Variants in RRM2 observed in about 807,000 individuals in gnomAD.
RRM2 encodes the protein ribonucleoside-diphosphate reductase subunit M2.
Under a neutral mutation model 45.9 loss-of-function variants are expected in RRM2, and 6 were observed. The ratio of observed to expected loss-of-function variants is 0.13; its 90% CI spans 0.07 to 0.26. The LOEUF (loss-of-function observed/expected upper bound fraction) is 0.26, where lower values mean the gene tolerates loss of function less well. RRM2 is among the 10% of genes least tolerant of loss of function. The pLI is 1.00. For synonymous variants in RRM2, 177 were observed against 173.0 expected, an observed-to-expected ratio of 1.02 and a Z score of -0.18; for missense variants, 343 against 489.5, an observed-to-expected ratio of 0.70 and a Z score of 2.82.
downstream of RRM2, among the ~76,000 whole-genome samples, chr2:10,134,381 T>C (rs1662956247): frequency 6.6e-6 from 1 of 151,414 alleles, no homozygotes; most frequent in Non-Finnish European, 1.5e-5. Context: ...AGGGGAGGAG[T>C]TGGGACCAAA....
Position 10,126,204 on chromosome 2 carries a change from T to G in RRM2, c.570-671T>G, listed in dbSNP as rs1169725419. Among the ~76,000 whole-genome samples the G allele has an allele frequency of 2.5e-3, 258 of 103,332 alleles. 23 individuals carry two copies. The highest frequency in any genetic ancestry group is 3.5e-3 in the African/African-American group (89 of 25,586). 67.8% of individuals were successfully genotyped at this position (103,332 alleles called of 152,430 possible). A position where few individuals can be genotyped will look rare whatever the true frequency, so the allele number is the denominator to read the frequency against. Reference sequence around the variant, plus strand: ...AAAAAAAAAAAAAAGCTGCCCAATGTCTGGTGCCCTTGGCTTCAGAACACA... The same window carrying G: ...AAAAAAAAAAAAAAGCTGCCCAATGGCTGGTGCCCTTGGCTTCAGAACACA... On this transcript the variant is annotated intron_variant, in intron 5 of 9. Coordinates refer to ENST00000304567, the MANE Select transcript of RRM2 (RefSeq NM_001034.4).
At chr2:10,151,295 ATTT>A (rs1197139714) in intron 3 of RRM2, among the ~76,000 whole-genome samples, 12 of 111,996 alleles carry the variant, frequency 1.1e-4, no homozygotes, top group Admixed American at 2.0e-4. Flanking sequence ...CTGCATGTAG[ATTT>A]TTTTTTTTTT....
rs1414363049 is a variant in RRM2 at position 10,195,888 on chromosome 2, TCA to T, written n.483-14419_483-14418del. Among the ~76,000 whole-genome samples the T allele has an allele frequency of 6.6e-6, 1 of 152,122 alleles. No homozygotes were observed. The highest frequency in any genetic ancestry group is 2.4e-5 in the African/African-American group (1 of 41,432). On this transcript the variant is annotated intron_variant and non_coding_transcript_variant, in intron 3 of 3. Coordinates refer to the RRM2 transcript ENST00000381786. The surrounding 1 kb of genome is among the most constrained non-coding windows in gnomAD (Gnocchi z 4.9). ...TTTCCTGCTTGGACAAGACAGAGACTCACACGAGGAAATTCCTTTTGTTCCTA... is the reference window on the plus strand; with the variant it reads ...TTTCCTGCTTGGACAAGACAGAGACTCACGAGGAAATTCCTTTTGTTCCTA...
intron 3 of RRM2, among the ~76,000 whole-genome samples, chr2:10,157,279 C>T (rs1263499106): frequency 1.3e-5 from 2 of 152,172 alleles, no homozygotes; most frequent in South Asian, 2.1e-4. Context: ...ATCTGCCTGC[C>T]TCTGCTTCTC....
chr2:10,195,018 C>A lies in RRM2; in HGVS notation n.483-15293C>A, dbSNP rs1040100192. Among the ~76,000 whole-genome samples the A allele has an allele frequency of 1.3e-5, 2 of 152,304 alleles. No homozygotes were observed. The highest frequency in any genetic ancestry group is 2.4e-5 in the African/African-American group (1 of 41,554). On this transcript the variant is annotated intron_variant and non_coding_transcript_variant, in intron 3 of 3. Coordinates refer to the RRM2 transcript ENST00000381786. This position sits in a 1 kb window ranked among gnomAD's most constrained non-coding sequence, Gnocchi z 4.9. Reference sequence around the variant, plus strand: ...GTTTACAGCCAAGGCCTGTGAGGCACGTGACCACCAAAACCCTCACGAGGC... The same window carrying A: ...GTTTACAGCCAAGGCCTGTGAGGCAAGTGACCACCAAAACCCTCACGAGGC...
rs575729163 is a variant in RRM2, at chr2:10,127,895, G to C, written c.798+675G>C. On this transcript the variant is annotated intron_variant, in intron 7 of 9. Coordinates refer to ENST00000304567, the MANE Select transcript of RRM2 (RefSeq NM_001034.4). The surrounding 1 kb of genome is among the most constrained non-coding windows in gnomAD (Gnocchi z 4.1). Reference sequence around the variant, plus strand: ...AAATGTTCATAGTAGAGCCAGGAGCGGTGGCTCATGCCTGTAATCCCAGCA... The same window carrying C: ...AAATGTTCATAGTAGAGCCAGGAGCCGTGGCTCATGCCTGTAATCCCAGCA... Among the ~76,000 whole-genome samples the C allele has an allele frequency of 2.6e-5, 4 of 151,806 alleles. No homozygotes were observed. The highest frequency in any genetic ancestry group is 5.9e-5 in the Non-Finnish European group (4 of 67,950).
intron 3 of RRM2, among the ~76,000 whole-genome samples, chr2:10,200,677 C>CCGCGCACACAAAA (rs1664546214): frequency 7.6e-6 from 1 of 132,438 alleles, no homozygotes; most frequent in African/African-American, 2.8e-5. Flanking sequence ...CCCACAGGGA[C>CCGCGCACACAAAA]TGCGCGCACA....
In RRM2 at chr2:10,204,569, A is replaced by C. The variant is rs1483141892; in HGVS notation, n.483-5742A>C. Among the ~76,000 whole-genome samples, 1 of 152,196 alleles carries C rather than the reference A, an allele frequency of 6.6e-6. No homozygotes were observed. Among genetic ancestry groups the C allele is most frequent in the East Asian group, 1.9e-4 (1 of 5,190 alleles). On this transcript the variant is annotated intron_variant and non_coding_transcript_variant, in intron 3 of 3. Coordinates refer to the RRM2 transcript ENST00000381786. The surrounding 1 kb of genome is among the most constrained non-coding windows in gnomAD (Gnocchi z 4.0). ...CAGCGCTGTGCCCAGCCCTGGGTGC[A>C]GGGAGGTGCGGTTTGCTCTCAGAGG...
At chr2:10,162,284 TTC>T (rs1180017660) in intron 3 of RRM2, among the ~76,000 whole-genome samples, 1 of 152,148 alleles carries the variant, frequency 6.6e-6, no homozygotes. Flanking sequence ...TTCATGTCGA[TTC>T]TCTCAGTCAA....
At chr2:10,164,543 G>A (rs1663641375) in intron 3 of RRM2, among the ~76,000 whole-genome samples, 1 of 152,174 alleles carries the variant, frequency 6.6e-6, no homozygotes, top group South Asian at 2.1e-4. Flanking sequence ...CAGTGCTCAC[G>A]GGCGAAGTGA....
chr2:10,151,095 G>A (rs1333598932), intron 3 of RRM2, among the ~76,000 whole-genome samples: 1 of 152,172 alleles, frequency 6.6e-6, no homozygotes, highest in East Asian at 1.9e-4. Flanking sequence ...TTACAGGCAT[G>A]CGCCACCACG....
At chr2:10,133,345 C>A (rs901357515), downstream of RRM2, among the ~76,000 whole-genome samples, 3 of 152,238 alleles carry the variant, frequency 2.0e-5, no homozygotes, top group African/African-American at 7.2e-5. Flanking sequence ...AGCAGACCTA[C>A]CAAAACCTCC....
At chr2:10,186,411 T>G (rs1438885432) in intron 3 of RRM2, among the ~76,000 whole-genome samples, 1 of 151,958 alleles carries the variant, frequency 6.6e-6, no homozygotes, top group Non-Finnish European at 1.5e-5. Flanking sequence ...CACCTCGGCC[T>G]CCCAAAGTGC....
chr2:10,192,412 TA>T lies in RRM2; in HGVS notation n.483-17898del, dbSNP rs1263710142. Among the ~76,000 whole-genome samples, 4 of 152,316 alleles carry T rather than the reference TA, an allele frequency of 2.6e-5. No individual in the cohort carries two copies. The East Asian group carries it at 5.8e-4, about 22-fold the overall frequency. The stretch of plus-strand genomic sequence containing the variant: ...CCGTGGTGACTCTAGAACCTCTCCC[TA>T]CAGCAGCTCGGGGAGCTCCAGCTCT... On this transcript the variant is annotated intron_variant and non_coding_transcript_variant, in intron 3 of 3. Coordinates refer to the RRM2 transcript ENST00000381786.
Position 10,204,372 on chromosome 2 carries a change from G to GGAGA in RRM2, n.483-5938_483-5935dup, listed in dbSNP as rs1459844588. Reference sequence around the variant, plus strand: ...TCAGCTAGGTGAAGAGAGCAGGGAAGGAGACTCCAGGGAGAGGAATGTGTG... The same window carrying GGAGA: ...TCAGCTAGGTGAAGAGAGCAGGGAAGGAGAGAGACTCCAGGGAGAGGAATGTGTG... On this transcript the variant is annotated intron_variant and non_coding_transcript_variant, in intron 3 of 3. Transcript: ENST00000381786. This position sits in a 1 kb window ranked among gnomAD's most constrained non-coding sequence, Gnocchi z 4.0. Among the ~76,000 whole-genome samples the GGAGA allele has an allele frequency of 6.6e-6, 1 of 152,220 alleles. No individual in the cohort carries two copies. The highest frequency in any genetic ancestry group is 1.5e-5 in the Non-Finnish European group (1 of 68,044).
chr2:10,201,355 C>G (rs939154459), intron 3 of RRM2, among the ~76,000 whole-genome samples: 2 of 152,162 alleles, frequency 1.3e-5, no homozygotes, highest in Non-Finnish European at 2.9e-5. Flanking sequence ...AAAGAAAAGC[C>G]TCTTTGACTC....
chr2:10,164,445 T>C (rs16855905), intron 3 of RRM2, among the ~76,000 whole-genome samples: 3,765 of 152,292 alleles, frequency 0.025, 171 homozygotes, highest in East Asian at 0.19. Context: ...ATTGTTATTT[T>C]TGACGCTGAG....
chr2:10,140,514 G>C (rs1219646362), upstream of RRM2, among the ~76,000 whole-genome samples: 1 of 152,208 alleles, frequency 6.6e-6, no homozygotes, highest in South Asian at 2.1e-4. Flanking sequence ...TGATGGGAAA[G>C]TAGTGGATGG....
chr2:10,169,209 C>T lies in RRM2; in HGVS notation n.482+26834C>T, dbSNP rs946204366. 7.3e-5 allele frequency among the ~76,000 whole-genome samples: 11 copies of T among 151,296 alleles called. No homozygotes were observed. Among genetic ancestry groups the T allele is most frequent in the Admixed American group, 3.3e-4 (5 of 15,182 alleles). On this transcript the variant is annotated intron_variant and non_coding_transcript_variant, in intron 3 of 3. Transcript: ENST00000381786. This position sits in a 1 kb window ranked among gnomAD's most constrained non-coding sequence, Gnocchi z 5.1. ...GTTGCCCAGGCTAGTTTTGAACTCC[C>T]GGGCTCAATCCTCCTGCCTCAGCCT...
Sources: gnomAD v4.1 joint callset for allele counts (sites outside exome capture counted in the v4.1 genomes callset) on GRCh38, gnomAD v4.1.1 for gene constraint, Gnocchi (gnomAD v3.1) non-coding constraint, MANE v1.5 for transcripts, NCBI Gene and HGNC (gene_info 2026-07-23, HGNC 2026-07-21) for gene names.